The following KIAA0319 variants were observed in gnomAD, a reference collection of about 807,000 sequenced individuals.
KIAA0319 encodes the protein KIAA0319, also known as dyslexia-associated protein KIAA0319.
In KIAA0319, 83 loss-of-function variants were observed where a neutral mutation model predicts 108.4. That is an observed-to-expected ratio of 0.77 (90% CI 0.64 to 0.92). KIAA0319 has a LOEUF of 0.92. KIAA0319 is among the 40% of genes least tolerant of loss of function. The probability of loss-of-function intolerance (pLI) is 0.00; values close to 1 mark genes in which losing one functional copy is unlikely to be tolerated. For synonymous variants in KIAA0319, 484 were observed against 510.4 expected (o/e 0.95, Z 0.70); for missense variants, 1,195 against 1,322.4 (o/e 0.90, Z 1.49).
chr6:24,602,502 A>C (rs1198756276), intron 1 of KIAA0319, among the ~76,000 whole-genome samples: 1 of 152,216 alleles, frequency 6.6e-6, no homozygotes, highest in Non-Finnish European at 1.5e-5. Context: ...GCACTCTCTT[A>C]AGAAATGCTG....
chr6:24,622,134 C>T (rs1774035768), intron 1 of KIAA0319, among the ~76,000 whole-genome samples: 2 of 151,996 alleles, frequency 1.3e-5, no homozygotes, highest in South Asian at 2.1e-4. Context: ...GGAGTGCTCA[C>T]CCGTACACCC....
chr6:24,612,773 G>A lies in KIAA0319; in HGVS notation c.-105-11565C>T, dbSNP rs77802723. Among the ~76,000 whole-genome samples the A allele has an allele frequency of 5.4e-3, 827 of 152,208 alleles. 18 individuals are homozygous for A. Among genetic ancestry groups the A allele is most frequent in the East Asian group, 0.039 (200 of 5,160 alleles). ...AATTTTTAACATCTGTGCTGATGAG[G>A]GGAGAGAGGGCTCAGGGAGAATTTT... On this transcript the variant is annotated intron_variant, in intron 1 of 20. Coordinates refer to ENST00000378214, the MANE Select transcript of KIAA0319 (RefSeq NM_014809.4).
At chr6:24,622,565 C>T (rs1774119701) in intron 1 of KIAA0319, among the ~76,000 whole-genome samples, 1 of 152,042 alleles carries the variant, frequency 6.6e-6, no homozygotes. Flanking sequence ...AAAATTAAAA[C>T]CTCAGTGAAC....
At chr6:24,565,835 T>C (rs1477749259) in intron 14 of KIAA0319, among the ~76,000 whole-genome samples, 1 of 151,818 alleles carries the variant, frequency 6.6e-6, no homozygotes, top group Non-Finnish European at 1.5e-5. Flanking sequence ...GCATTTCGCC[T>C]TCTGCATCTA....
At chr6:24,640,458 G>A (rs1006206534) in intron 1 of KIAA0319, among the ~76,000 whole-genome samples, 11 of 152,136 alleles carry the variant, frequency 7.2e-5, no homozygotes, top group African/African-American at 2.7e-4. Flanking sequence ...TTCCATATGG[G>A]TGTAATGTAG....
intron 2 of KIAA0319, among the ~76,000 whole-genome samples, chr6:24,596,945 TTCCATCCATCCA>T (rs537111702): frequency 2.0e-5 from 3 of 151,426 alleles, no homozygotes; most frequent in East Asian, 3.9e-4. Flanking sequence ...CCTTCTACTT[TTCCATCCATCCA>T]TCCATCCATC....
chr6:24,595,196 C>T (rs989209072), intron 3 of KIAA0319, among the ~76,000 whole-genome samples: 2 of 152,142 alleles, frequency 1.3e-5, no homozygotes, highest in Admixed American at 1.3e-4. Flanking sequence ...ATTTTCAAAG[C>T]CCCTGGGTGT....
chr6:24,593,567 A>AT (rs1768881665), intron 3 of KIAA0319, among the ~76,000 whole-genome samples: 1 of 151,352 alleles, frequency 6.6e-6, no homozygotes, highest in Non-Finnish European at 1.5e-5. Context: ...CGCCTGGCTA[A>AT]TTTTTTGTAT....
chr6:24,588,115 T>C (rs890227417), intron 4 of KIAA0319, among the ~76,000 whole-genome samples: 1 of 152,242 alleles, frequency 6.6e-6, no homozygotes, highest in African/African-American at 2.4e-5. Context: ...AGGCAATGAA[T>C]GAGAGATGAT....
intron 1 of KIAA0319, among the ~76,000 whole-genome samples, chr6:24,635,108 CTT>C (rs543116708): frequency 1.5e-4 from 22 of 142,720 alleles, no homozygotes; most frequent in Middle Eastern, 3.4e-3. Flanking sequence ...TTCTTTCTTT[CTT>C]TTTTTTTTTT....
downstream of KIAA0319, among the ~76,000 whole-genome samples, chr6:24,540,221 C>CA (rs141057733): frequency 6.6e-6 from 1 of 151,750 alleles, no homozygotes; most frequent in Non-Finnish European, 1.5e-5. Context: ...AGCATAGTCA[C>CA]TTATTATATA....
intron 1 of KIAA0319, among the ~76,000 whole-genome samples, chr6:24,633,765 G>A (rs1775868078): frequency 6.6e-6 from 1 of 152,086 alleles, no homozygotes; most frequent in Non-Finnish European, 1.5e-5. Flanking sequence ...AAAATTATTA[G>A]ATCAAAAAAA....
At chr6:24,570,942 G>C (rs551765771) in intron 11 of KIAA0319, among the ~76,000 whole-genome samples, 32 of 152,208 alleles carry the variant, frequency 2.1e-4, no homozygotes, top group Non-Finnish European at 4.6e-4. Flanking sequence ...TGTAATCCCA[G>C]CACTTTGGGA....
intron 1 of KIAA0319, among the ~76,000 whole-genome samples, chr6:24,620,933 C>T (rs964080788): frequency 2.0e-5 from 3 of 152,216 alleles, no homozygotes; most frequent in African/African-American, 7.2e-5. Context: ...CCTAGGAATG[C>T]AGCTGACTTC....
chr6:24,622,610 T>C (rs1221595607), intron 1 of KIAA0319, among the ~76,000 whole-genome samples: 2 of 152,182 alleles, frequency 1.3e-5, no homozygotes, highest in Admixed American at 6.5e-5. Context: ...TAGCAGCTAA[T>C]ATATATTAAG....
chr6:24,543,760 T>A (rs1331871689), downstream of KIAA0319, among the ~76,000 whole-genome samples: 2 of 152,162 alleles, frequency 1.3e-5, no homozygotes. Flanking sequence ...TTATTACTGA[T>A]AAGAGCTAGA....
At chr6:24,605,331 C>T (rs574436365) in intron 1 of KIAA0319, among the ~76,000 whole-genome samples, 80 of 143,104 alleles carry the variant, frequency 5.6e-4, no homozygotes, top group African/African-American at 2.0e-3. Context: ...CACTGTGGCA[C>T]CCCCACCCTC....
At chr6:24,624,221 T>C in intron 1 of KIAA0319, among the ~76,000 whole-genome samples, 1 of 147,364 alleles carries the variant, frequency 6.8e-6, no homozygotes, top group Non-Finnish European at 1.5e-5. Flanking sequence ...TTTTTTTTTT[T>C]TGTAGAGACA....
chr6:24,563,349 C>G lies in KIAA0319; in HGVS notation c.2591+10G>C, dbSNP rs767150026. On this transcript the variant is annotated intron_variant, in intron 16 of 20. Transcript: ENST00000378214. ...CGGCCAAGGCCCCGCCTTGAGTGTG[C>G]AGCTCCTACCTGAGATCCGAGTGGG... 6.2e-7 allele frequency: 1 copy of G among 1,608,232 alleles called. No individual in the cohort carries two copies. The highest frequency in any genetic ancestry group is 8.5e-7 in the Non-Finnish European group (1 of 1,176,798).
Sources: gnomAD v4.1 joint callset for allele counts (sites outside exome capture counted in the v4.1 genomes callset) on GRCh38, gnomAD v4.1.1 for gene constraint, MANE v1.5 for transcripts, NCBI Gene and HGNC (gene_info 2026-07-23, HGNC 2026-07-21) for gene names.